LDB2: variants seen among roughly 807,000 people sequenced by gnomAD.
LDB2 encodes the protein LIM domain binding 2.
LDB2 carries 12 observed loss-of-function variants against 44.3 expected under a neutral mutation model. The ratio of observed to expected loss-of-function variants is 0.27; its 90% CI spans 0.17 to 0.44. The LOEUF (loss-of-function observed/expected upper bound fraction) is 0.44. Among genes scored for constraint, LDB2 ranks in the 20% least tolerant of loss-of-function variants. The pLI, the probability that LDB2 is intolerant of heterozygous loss-of-function variation, is 1.00. For synonymous variants in LDB2, 164 were observed against 174.8 expected, an observed-to-expected ratio of 0.94 and a Z score of 0.49; for missense variants, 344 against 473.5, an observed-to-expected ratio of 0.73 and a Z score of 2.54.
At chr4:16,691,985 C>T (rs775648971) in intron 2 of LDB2, among the ~76,000 whole-genome samples, 6 of 152,186 alleles carry the variant, frequency 3.9e-5, no homozygotes, top group Non-Finnish European at 8.8e-5. Context: ...GAATGCCTGA[C>T]CTTTCCTCTT....
intron 1 of LDB2, chr4:16,888,725 G>GTCA: frequency 1.0e-6 from 1 of 983,640 alleles, no homozygotes. Context: ...CGTCATCGTC[G>GTCA]TCATCATCAT....
At chr4:16,608,908 C>T (rs753665421) in intron 2 of LDB2, among the ~76,000 whole-genome samples, 2 of 152,180 alleles carry the variant, frequency 1.3e-5, no homozygotes, top group Non-Finnish European at 2.9e-5. Context: ...GCTTCATTCT[C>T]TCTCTTCTGT....
At chr4:16,612,089 T>C (rs1437540485) in intron 2 of LDB2, among the ~76,000 whole-genome samples, 1 of 152,078 alleles carries the variant, frequency 6.6e-6, no homozygotes, top group Non-Finnish European at 1.5e-5. Context: ...TTCATGGAAA[T>C]TGAACAACCT....
chr4:16,614,930 C>T (rs1422751262), intron 2 of LDB2, among the ~76,000 whole-genome samples: 1 of 150,350 alleles, frequency 6.7e-6, no homozygotes, highest in East Asian at 1.9e-4. Context: ...ATTAGCCGGG[C>T]GTAGTGGCGG....
At chr4:16,541,863 A>G (rs117224443) in intron 5 of LDB2, among the ~76,000 whole-genome samples, 1 of 152,172 alleles carries the variant, frequency 6.6e-6, no homozygotes, top group East Asian at 1.9e-4. Context: ...GCTCTGGGGA[A>G]TGTGTGGGGA....
intron 2 of LDB2, among the ~76,000 whole-genome samples, chr4:16,738,049 C>A (rs1006932632): frequency 7.9e-5 from 12 of 151,832 alleles, no homozygotes; most frequent in African/African-American, 2.4e-4. Flanking sequence ...TGTGAGTTTG[C>A]TCTAATCCCA....
intron 6 of LDB2, among the ~76,000 whole-genome samples, chr4:16,510,044 G>T (rs1721103976): frequency 6.6e-6 from 1 of 152,178 alleles, no homozygotes; most frequent in Admixed American, 6.5e-5. Context: ...GAGCCCGGAA[G>T]TCGAGGCTGC....
intron 1 of LDB2, among the ~76,000 whole-genome samples, chr4:16,883,803 G>C (rs1720870496): frequency 6.6e-6 from 1 of 152,146 alleles, no homozygotes; most frequent in African/African-American, 2.4e-5. Flanking sequence ...GAGGCCCCAG[G>C]CCGCTAAACG....
chr4:16,589,797 C>T (rs1414027163), intron 3 of LDB2, among the ~76,000 whole-genome samples: 2 of 152,032 alleles, frequency 1.3e-5, no homozygotes, highest in East Asian at 1.9e-4. Context: ...TACAAAATAG[C>T]GGGCGGATAC....
chr4:16,762,349 C>G (rs1307751758), intron 1 of LDB2, among the ~76,000 whole-genome samples: 1 of 152,206 alleles, frequency 6.6e-6, no homozygotes, highest in Non-Finnish European at 1.5e-5. Context: ...ATTTGCTTTG[C>G]TCATTATTCA....
chr4:16,686,175 T>C (rs1279339575), intron 2 of LDB2, among the ~76,000 whole-genome samples: 1 of 152,228 alleles, frequency 6.6e-6, no homozygotes, highest in East Asian at 1.9e-4. Flanking sequence ...TGAGGATTTC[T>C]TGACCCCCTT....
At chr4:16,781,159 C>T (rs758139173) in intron 1 of LDB2, among the ~76,000 whole-genome samples, 17 of 152,108 alleles carry the variant, frequency 1.1e-4, no homozygotes, top group Admixed American at 3.9e-4. Context: ...TGGAGGGAAG[C>T]CTCAGAAGAA....
At chr4:16,690,780 G>A (rs552040861) in intron 2 of LDB2, among the ~76,000 whole-genome samples, 1 of 152,180 alleles carries the variant, frequency 6.6e-6, no homozygotes, top group South Asian at 2.1e-4. Context: ...AAGAGACAAA[G>A]TTATGCTTCA....
chr4:16,671,051 C>A, intron 2 of LDB2, among the ~76,000 whole-genome samples: 1 of 150,702 alleles, frequency 6.6e-6, no homozygotes, highest in East Asian at 2.0e-4. Flanking sequence ...AGATCTTTAA[C>A]TGGATGATAT....
intron 1 of LDB2, among the ~76,000 whole-genome samples, chr4:16,790,475 G>A (rs1418517363): frequency 1.3e-5 from 2 of 151,976 alleles, no homozygotes; most frequent in African/African-American, 4.8e-5. Context: ...TTGATATTCA[G>A]TAATAGTGCT....
intron 5 of LDB2, among the ~76,000 whole-genome samples, chr4:16,573,677 G>A (rs1560515406): frequency 6.6e-6 from 1 of 152,148 alleles, no homozygotes; most frequent in Non-Finnish European, 1.5e-5. Flanking sequence ...AGATTTTCTG[G>A]TGTGGCTTCT....
rs149580050 is a variant in LDB2 at position 16,517,334 on chromosome 4, C to G, written c.616-5230G>C. Among the ~76,000 whole-genome samples, 519 of 126,380 alleles carry G rather than the reference C, an allele frequency of 4.1e-3. 3 individuals are homozygous for G. Among genetic ancestry groups the G allele is most frequent in the African/African-American group, 0.015 (497 of 33,964 alleles). The allele number at this position is 126,380 out of a possible 152,430, so 82.9% of individuals were successfully genotyped here. A position where few individuals can be genotyped will look rare whatever the true frequency, so the allele number is the denominator to read the frequency against. On this transcript the variant is annotated intron_variant, in intron 5 of 7. Transcript: ENST00000304523. ...AGATATATGCCTTTTCCTCATTACCCCACTCCACATACACATAAAAAAAAC... is the reference window on the plus strand; with the variant it reads ...AGATATATGCCTTTTCCTCATTACCGCACTCCACATACACATAAAAAAAAC...
chr4:16,871,868 C>A (rs1716743805), intron 1 of LDB2, among the ~76,000 whole-genome samples: 1 of 152,030 alleles, frequency 6.6e-6, no homozygotes, highest in Non-Finnish European at 1.5e-5. Context: ...ATGATCCGCC[C>A]ACCTCGGCCT....
At chr4:16,642,715 A>C (rs145314116) in intron 2 of LDB2, among the ~76,000 whole-genome samples, 215 of 152,260 alleles carry the variant, frequency 1.4e-3, no homozygotes, top group African/African-American at 5.0e-3. Flanking sequence ...CTTTCTCTTA[A>C]GGATATGTTT....
Sources: gnomAD v4.1 joint callset for allele counts (sites outside exome capture counted in the v4.1 genomes callset) on GRCh38, gnomAD v4.1.1 for gene constraint, MANE v1.5 for transcripts, NCBI Gene and HGNC (gene_info 2026-07-23, HGNC 2026-07-21) for gene names.